CHKA: variants seen among roughly 807,000 people sequenced by gnomAD.
The protein encoded by CHKA is choline kinase alpha.
A neutral mutation model predicts 60.1 loss-of-function variants in CHKA; 34 were observed. The ratio of observed to expected loss-of-function variants is 0.57; its 90% CI spans 0.43 to 0.75. The LOEUF (loss-of-function observed/expected upper bound fraction) is 0.75. Among genes scored for constraint, CHKA ranks in the 30% least tolerant of loss-of-function variants. The probability of loss-of-function intolerance (pLI) is 0.00; values close to 1 mark genes in which losing one functional copy is unlikely to be tolerated. For synonymous variants in CHKA, 217 were observed against 223.1 expected (o/e 0.97, Z 0.24); for missense variants, 563 against 561.3 (o/e 1.00, Z -0.03).
At position 68,065,899 on chromosome 11, in the gene CHKA, AATAAGAC is replaced by A; in HGVS notation, c.1017-12_1017-6del. 6.3e-7 allele frequency: 1 copy of A among 1,587,888 alleles called. No homozygotes were observed. The highest frequency in any genetic ancestry group is 1.1e-5 in the South Asian group (1 of 90,570). ...TGATTTCCAATGTCGAATCCCCTGA[AATAAGAC>A]ATAAGACAGTGCACACAATGAGGCA... On this transcript the variant is annotated splice_polypyrimidine_tract_variant and splice_region_variant and intron_variant, in intron 8 of 11. Transcript: ENST00000265689.
chr11:68,100,937 C>CTTTTTTTT (rs758101816), intron 1 of CHKA, among the ~76,000 whole-genome samples: 2 of 78,212 alleles, frequency 2.6e-5, no homozygotes, highest in African/African-American at 1.2e-4. Flanking sequence ...TAAAGAGGTT[C>CTTTTTTTT]TTTTTTTTTT....
In CHKA at chr11:68,073,312, C is replaced by A. The variant is rs539899499; in HGVS notation, c.630+1405G>T. 2.0e-5 allele frequency among the ~76,000 whole-genome samples: 3 copies of A among 152,236 alleles called. No homozygotes were observed. The South Asian group carries it at 6.2e-4, about 32-fold the overall frequency. ...ATGTTTGTAAGATTCACCTATATTG[C>A]CACTTATAACCATATGAGGTTCTAT... On this transcript the variant is annotated intron_variant, in intron 4 of 11. Coordinates refer to ENST00000265689, the MANE Select transcript of CHKA (RefSeq NM_001277.3).
chr11:68,120,947 C>CGGCTGCGGCGGCGGGGGCTGG lies in CHKA; in HGVS notation c.210_230dup (p.Gln71_Pro77dup). ...GGGGCTCCGGCTGCTCGTCTGCGGG[C>CGGCTGCGGCGGCGGGGGCTGG]GGCTGCGGCGGCGGGGGCTGGGGCA... On this transcript the variant is annotated inframe_insertion, in exon 1 of 12. Transcript: ENST00000265689. 1 of 1,172,172 alleles carries CGGCTGCGGCGGCGGGGGCTGG rather than the reference C, an allele frequency of 8.5e-7. No homozygotes were observed. The highest frequency in any genetic ancestry group is 1.1e-6 in the Non-Finnish European group (1 of 944,666). The allele number at this position is 1,172,172 out of a possible 1,614,324, so 72.6% of individuals were successfully genotyped here. A position where few individuals can be genotyped will look rare whatever the true frequency, so the allele number is the denominator to read the frequency against.
At chr11:68,117,963 A>G (rs1014867049) in intron 1 of CHKA, among the ~76,000 whole-genome samples, 1 of 152,166 alleles carries the variant, frequency 6.6e-6, no homozygotes, top group Admixed American at 6.5e-5. Context: ...GGGAATGCAG[A>G]GTTAGAAATG....
intron 11 of CHKA, chr11:68,061,628 G>C (rs1490259122): frequency 2.2e-6 from 1 of 446,880 alleles, no homozygotes; most frequent in African/African-American, 2.0e-5. Flanking sequence ...ACTGAGGTCA[G>C]AGCTGGACTT....
intron 2 of CHKA, among the ~76,000 whole-genome samples, chr11:68,095,296 G>C (rs1590867667): frequency 7.2e-6 from 1 of 138,610 alleles, no homozygotes; most frequent in South Asian, 2.5e-4. Flanking sequence ...CCAGCTACTT[G>C]AAAGGCTGAG....
At chr11:68,105,514 C>CAAAAAAAAAAAAAA (rs1170085830) in intron 1 of CHKA, among the ~76,000 whole-genome samples, 18 of 64,954 alleles carry the variant, frequency 2.8e-4, no homozygotes, top group South Asian at 6.5e-4. Flanking sequence ...GACTCCATCT[C>CAAAAAAAAAAAAAA]AAAAAAAAAA....
At chr11:68,108,501 T>C (rs1026523571) in intron 1 of CHKA, among the ~76,000 whole-genome samples, 7 of 152,200 alleles carry the variant, frequency 4.6e-5, no homozygotes, top group Non-Finnish European at 1.0e-4. Context: ...TCCCAGCACT[T>C]TGGGAGGCCA....
intron 11 of CHKA, among the ~76,000 whole-genome samples, chr11:68,058,189 A>T (rs1423556721): frequency 6.6e-6 from 1 of 152,168 alleles, no homozygotes; most frequent in Admixed American, 6.5e-5. Flanking sequence ...CCACACCTGG[A>T]TGATTTACAT....
At chr11:68,063,227 A>C (rs1166371453) in intron 10 of CHKA, among the ~76,000 whole-genome samples, 2 of 152,180 alleles carry the variant, frequency 1.3e-5, no homozygotes, top group African/African-American at 4.8e-5. Context: ...GGACAGATGC[A>C]GTAGCCCACA....
At chr11:68,078,785 G>T (rs1856873891) in intron 3 of CHKA, among the ~76,000 whole-genome samples, 2 of 152,060 alleles carry the variant, frequency 1.3e-5, no homozygotes, top group Non-Finnish European at 2.9e-5. Context: ...AATAACAAAA[G>T]AATTGTTACA....
At position 68,081,242 on chromosome 11, in the gene CHKA, G is replaced by A. The variant is rs1198619362; in HGVS notation, c.516+162C>T. ...AATACCCACCGCTCACTCAGTCTCC[G>A]TAAGGTGGCTTCTGATAGATATACC... On this transcript the variant is annotated intron_variant, in intron 3 of 11. Transcript: ENST00000265689. Among the ~76,000 whole-genome samples the A allele has an allele frequency of 4.6e-5, 7 of 152,162 alleles. No individual in the cohort carries two copies. The East Asian group carries it at 9.6e-4, about 21-fold the overall frequency.
intron 6 of CHKA, among the ~76,000 whole-genome samples, chr11:68,069,563 A>G (rs1211191981): frequency 6.6e-6 from 1 of 152,104 alleles, no homozygotes; most frequent in African/African-American, 2.4e-5. Flanking sequence ...GCATGCCTGT[A>G]GTTCCAGCTA....
rs1053287829 is a variant in CHKA at position 68,086,270 on chromosome 11, C to T, written c.463-4813G>A. On this transcript the variant is annotated intron_variant, in intron 2 of 11. Coordinates refer to ENST00000265689, the MANE Select transcript of CHKA (RefSeq NM_001277.3). ...CCGAGGTTGCAGTGAGCCAAGATCG[C>T]GCCACTGCACCCCAGCCTGGCGACA... 2.0e-5 allele frequency among the ~76,000 whole-genome samples: 3 copies of T among 152,006 alleles called. No individual in the cohort carries two copies. In the East Asian group the frequency reaches 5.8e-4, roughly 29 times the overall value.
At chr11:68,118,734 A>G (rs754019482) in intron 1 of CHKA, among the ~76,000 whole-genome samples, 1 of 152,212 alleles carries the variant, frequency 6.6e-6, no homozygotes, top group Non-Finnish European at 1.5e-5. Context: ...TAAAAAGGTC[A>G]TCCAATCCAA....
intron 1 of CHKA, among the ~76,000 whole-genome samples, chr11:68,099,506 T>C (rs1414450867): frequency 6.6e-6 from 1 of 152,200 alleles, no homozygotes; most frequent in East Asian, 1.9e-4. Context: ...TCCCAGAAGG[T>C]TGTCTACCTT....
In CHKA at chr11:68,120,774, C is replaced by A. The variant is rs1165339728; in HGVS notation, c.350+54G>T. The A allele has an allele frequency of 3.2e-6, 3 of 947,242 alleles. No individual in the cohort carries two copies. The Admixed American group carries it at 1.2e-4, about 38-fold the overall frequency. 58.7% of individuals were successfully genotyped at this position (947,242 alleles called of 1,614,324 possible). The stretch of plus-strand genomic sequence containing the variant: ...GCCCCCTGCCCGGACCCCGCCCCGG[C>A]CCCGCCCCGCGTCACCTGACTGTCC... On this transcript the variant is annotated intron_variant, in intron 1 of 11. Transcript: ENST00000265689.
intron 1 of CHKA, among the ~76,000 whole-genome samples, chr11:68,108,546 C>A (rs967066171): frequency 3.3e-5 from 5 of 152,202 alleles, no homozygotes; most frequent in Admixed American, 2.0e-4. Context: ...AGATCGAGAC[C>A]ATCCTGGCTA....
At chr11:68,066,669 T>C (rs1482863897) in intron 7 of CHKA, among the ~76,000 whole-genome samples, 153 bp from the exon 8 acceptor site, 3 of 152,174 alleles carry the variant, frequency 2.0e-5, no homozygotes, top group Non-Finnish European at 4.4e-5. Flanking sequence ...AGACAGAGCG[T>C]AGAAGTGCTC....
Sources: gnomAD v4.1 joint callset for allele counts (sites outside exome capture counted in the v4.1 genomes callset) on GRCh38, gnomAD v4.1.1 for gene constraint, MANE v1.5 for transcripts, NCBI Gene and HGNC (gene_info 2026-07-23, HGNC 2026-07-21) for gene names.